Variants in MDFI observed in about 807,000 individuals in gnomAD.
MDFI encodes the protein inhibitor of MyoD family a.
Under a neutral mutation model 22.3 loss-of-function variants are expected in MDFI, and 16 were observed. The ratio of observed to expected loss-of-function variants is 0.72; its 90% CI spans 0.49 to 1.09. The LOEUF (loss-of-function observed/expected upper bound fraction) is 1.09. Among genes scored for constraint, MDFI ranks in the 50% least tolerant of loss-of-function variants. MDFI has a pLI of 0.00. For synonymous variants in MDFI, 145 were observed against 142.7 expected (o/e 1.02, Z -0.12); for missense variants, 314 against 326.1 (o/e 0.96, Z 0.29).
At chr6:41,639,031 G>A (rs1767744600) in intron 2 of MDFI, among the ~76,000 whole-genome samples, 1 of 152,130 alleles carries the variant, frequency 6.6e-6, no homozygotes, top group Non-Finnish European at 1.5e-5. Context: ...AACAGAGGCT[G>A]CGGCTGCGCC....
rs374926878 is a variant in MDFI at position 41,652,213 on chromosome 6, G to A, written c.485-1106G>A. On this transcript the variant is annotated intron_variant, in intron 4 of 4. Transcript: ENST00000230321. ...AGATGAGGGACTCAGCCAAGCACGTGCCTGTGGCAAGATTGTTCCAGGCAG... is the reference window on the plus strand; with the variant it reads ...AGATGAGGGACTCAGCCAAGCACGTACCTGTGGCAAGATTGTTCCAGGCAG... 2.7e-3 allele frequency among the ~76,000 whole-genome samples: 406 copies of A among 152,358 alleles called. 2 individuals are homozygous for A. The highest frequency in any genetic ancestry group is 8.9e-3 in the African/African-American group (371 of 41,588).
intron 2 of MDFI, 144 bp from the exon 3 acceptor site, chr6:41,645,982 A>G (rs1768035614): frequency 4.4e-6 from 3 of 689,132 alleles, no homozygotes; most frequent in East Asian, 6.6e-5. Context: ...TGCTGTTGTC[A>G]GCTAGAGTAA....
At chr6:41,645,252 T>C (rs1279246205) in intron 2 of MDFI, among the ~76,000 whole-genome samples, 1 of 151,758 alleles carries the variant, frequency 6.6e-6, no homozygotes, top group African/African-American at 2.4e-5. Context: ...GACCCCTTTC[T>C]TCCTCCCTCC....
intron 2 of MDFI, among the ~76,000 whole-genome samples, chr6:41,645,648 C>G (rs868705973): frequency 6.6e-6 from 1 of 152,206 alleles, no homozygotes; most frequent in Non-Finnish European, 1.5e-5. Context: ...TCACTCCCGT[C>G]TCAGGCTGTC....
At chr6:41,639,704 A>G in intron 2 of MDFI, 2 of 985,356 alleles carry the variant, frequency 2.0e-6, no homozygotes, top group Non-Finnish European at 2.4e-6. Flanking sequence ...TGGAATCTCC[A>G]CTGTCTAAGT....
rs1768385110 is a variant in MDFI, at chr6:41,653,948, G to A, written c.*373G>A. On this transcript the variant is annotated 3_prime_UTR_variant, in exon 5 of 5. Transcript: ENST00000230321. This position sits in a 1 kb window ranked among gnomAD's most constrained non-coding sequence, Gnocchi z 4.2. ...TTGGGGAGGGTGGGCCGGTGGGGCC[G>A]TAGCTCTCTACCTCTCCCTGCTCCT... 5 of 302,478 alleles carry A rather than the reference G, an allele frequency of 1.7e-5. No homozygotes were observed. Among genetic ancestry groups the A allele is most frequent in the South Asian group, 8.9e-5 (2 of 22,378 alleles). 18.7% of individuals were successfully genotyped at this position (302,478 alleles called of 1,614,324 possible). A position where few individuals can be genotyped will look rare whatever the true frequency, so the allele number is the denominator to read the frequency against.
chr6:41,641,889 T>A (rs1054861847), intron 2 of MDFI, among the ~76,000 whole-genome samples: 1 of 152,078 alleles, frequency 6.6e-6, no homozygotes, highest in South Asian at 2.1e-4. Flanking sequence ...ACTTGGTGGA[T>A]GGCAAGCAGA....
intron 2 of MDFI, among the ~76,000 whole-genome samples, chr6:41,640,096 G>A (rs1191186248): frequency 6.6e-6 from 1 of 152,244 alleles, no homozygotes; most frequent in Non-Finnish European, 1.5e-5. Flanking sequence ...CCTTCTGCAG[G>A]ATGAGCGCCT....
At chr6:41,641,847 C>A (rs1767863449) in intron 2 of MDFI, among the ~76,000 whole-genome samples, 2 of 152,142 alleles carry the variant, frequency 1.3e-5, no homozygotes, top group East Asian at 1.9e-4. Flanking sequence ...GAGGTTCCCC[C>A]CTACTCCCTG....
At chr6:41,639,288 G>A in intron 2 of MDFI, 4 of 985,296 alleles carry the variant, frequency 4.1e-6, no homozygotes. Context: ...TGCCGCGAGC[G>A]GCTGCAGGAC....
At chr6:41,647,033 CTT>C (rs1768077943) in intron 3 of MDFI, among the ~76,000 whole-genome samples, 1 of 152,192 alleles carries the variant, frequency 6.6e-6, no homozygotes, top group Admixed American at 6.5e-5. Flanking sequence ...GCCCAACACT[CTT>C]TGCAGTGCCT....
chr6:41,649,717 G>A lies in MDFI; in HGVS notation c.358G>A (p.Ala120Thr), dbSNP rs146712060. The stretch of plus-strand genomic sequence containing the variant: ...CGGCACCAGACGGGCGGGGAATGGT[G>A]CCCTGGGTGGCCCCAAGGCCCACCG... ...LGGTRRAGNG[A>T]LGGPKAHRKL... The change falls in exon 4 of 5, where the codon GCC (alanine) becomes ACC (threonine). Residue 120 changes from alanine (A) to threonine (T), a missense_variant. Physicochemically the swap from Ala to Thr is moderately conservative, Grantham distance 58. Transcript: ENST00000230321. The A allele has an allele frequency of 7.4e-6, 12 of 1,613,942 alleles. No homozygotes were observed. In the African/African-American group the frequency reaches 1.3e-4, roughly 18 times the overall value.
At position 41,653,118 on chromosome 6, in the gene MDFI, C is replaced by T. The variant is rs559283992; in HGVS notation, c.485-201C>T. 7.9e-5 allele frequency among the ~76,000 whole-genome samples: 12 copies of T among 152,300 alleles called. No homozygotes were observed. The highest frequency in any genetic ancestry group is 2.9e-4 in the African/African-American group (12 of 41,558). On this transcript the variant is annotated intron_variant, in intron 4 of 4. Coordinates refer to ENST00000230321, the MANE Select transcript of MDFI (RefSeq NM_005586.4). The surrounding 1 kb of genome is among the most constrained non-coding windows in gnomAD (Gnocchi z 4.2). ...CAAGGATGATCCAGACTGCCCGCTC[C>T]GATGTGCTTAACTGTCTGTGCCTCG... is the stretch of plus-strand genomic sequence containing the variant.
chr6:41,651,231 G>A (rs1240451176), intron 4 of MDFI, among the ~76,000 whole-genome samples: 1 of 149,266 alleles, frequency 6.7e-6, no homozygotes, highest in Non-Finnish European at 1.5e-5. Flanking sequence ...CTGGAAACCT[G>A]GTTCATGACC....
rs1426635002 is a variant in MDFI at position 41,653,108 on chromosome 6, C to G, written c.485-211C>G. ...TGGCTAAGAGCAAGGATGATCCAGA[C>G]TGCCCGCTCCGATGTGCTTAACTGT... is the stretch of plus-strand genomic sequence containing the variant. On this transcript the variant is annotated intron_variant, in intron 4 of 4. Coordinates refer to ENST00000230321, the MANE Select transcript of MDFI (RefSeq NM_005586.4). The surrounding 1 kb of genome is among the most constrained non-coding windows in gnomAD (Gnocchi z 4.2). Among the ~76,000 whole-genome samples, 1 of 152,226 alleles carries G rather than the reference C, an allele frequency of 6.6e-6. No homozygotes were observed. The highest frequency in any genetic ancestry group is 2.4e-5 in the African/African-American group (1 of 41,454).
At position 41,643,530 on chromosome 6, in the gene MDFI, G is replaced by GA. The variant is rs1561829492; in HGVS notation, c.77-2595dup. On this transcript the variant is annotated intron_variant, in intron 2 of 4. Coordinates refer to ENST00000230321, the MANE Select transcript of MDFI (RefSeq NM_005586.4). The stretch of plus-strand genomic sequence containing the variant: ...ATGTTAAACCACACAGCACAGGAAG[G>GA]AGGGAAGGAGGGAAGGAGGGAAGGA... Among the ~76,000 whole-genome samples the GA allele has an allele frequency of 3.1e-3, 214 of 68,758 alleles. 3 individuals are homozygous for GA. Among genetic ancestry groups the GA allele is most frequent in the African/African-American group, 0.011 (199 of 17,990 alleles). 45.1% of individuals were successfully genotyped at this position (68,758 alleles called of 152,430 possible).
intron 3 of MDFI, among the ~76,000 whole-genome samples, chr6:41,648,920 GGTCCTGGCTTCAGGGGTCTCCCCACT>G (rs1234716499): frequency 2.0e-5 from 3 of 152,140 alleles, no homozygotes; most frequent in Admixed American, 6.5e-5. Flanking sequence ...GGGACCCGGG[GGTCCTGGCTTCAGGGGTCTCCCCACT>G]GCCCTTCTTC....
chr6:41,651,956 T>G (rs1046421875), intron 4 of MDFI, among the ~76,000 whole-genome samples: 1 of 152,238 alleles, frequency 6.6e-6, no homozygotes, highest in Non-Finnish European at 1.5e-5. Context: ...TAATCTTTCA[T>G]TGAACAAAAT....
chr6:41,643,530 G>GAAGGAAGA (rs1561829492), intron 2 of MDFI, among the ~76,000 whole-genome samples: 28 of 68,794 alleles, frequency 4.1e-4, no homozygotes, highest in African/African-American at 1.6e-3. Flanking sequence ...GCACAGGAAG[G>GAAGGAAGA]AGGGAAGGAG....
Sources: gnomAD v4.1 joint callset for allele counts (sites outside exome capture counted in the v4.1 genomes callset) on GRCh38, gnomAD v4.1.1 for gene constraint, Gnocchi (gnomAD v3.1) non-coding constraint, MANE v1.5 for transcripts, NCBI Gene and HGNC (gene_info 2026-07-23, HGNC 2026-07-21) for gene names.